GRM8: variants seen among roughly 807,000 people sequenced by gnomAD.
The protein encoded by GRM8 is glutamate metabotropic receptor 8, also known as metabotropic glutamate receptor 8.
A neutral mutation model predicts 87.2 loss-of-function variants in GRM8; 47 were observed. The ratio of observed to expected loss-of-function variants is 0.54; its 90% CI spans 0.43 to 0.69. The LOEUF is 0.69. Ranked by LOEUF, GRM8 falls within the 30% of genes least tolerant of loss-of-function variation. GRM8 has a pLI of 0.00. For synonymous variants in GRM8, 396 were observed against 404.5 expected, an observed-to-expected ratio of 0.98 and a Z score of 0.25; for missense variants, 1,019 against 1,139.2, an observed-to-expected ratio of 0.89 and a Z score of 1.52.
intron 7 of GRM8, among the ~76,000 whole-genome samples, chr7:126,735,508 C>CAA (rs1374218260): frequency 6.6e-6 from 1 of 151,866 alleles, no homozygotes; most frequent in African/African-American, 2.4e-5. Flanking sequence ...CTATGAACAG[C>CAA]AATTTGAGAG....
chr7:127,224,245 C>T, intron 2 of GRM8, among the ~76,000 whole-genome samples: 1 of 152,172 alleles, frequency 6.6e-6, no homozygotes, highest in East Asian at 1.9e-4. Flanking sequence ...AAGAAATCCA[C>T]ACCAAGATGC....
At chr7:126,875,333 C>T (rs1799443070) in intron 6 of GRM8, among the ~76,000 whole-genome samples, 1 of 151,150 alleles carries the variant, frequency 6.6e-6, no homozygotes, top group Non-Finnish European at 1.5e-5. Context: ...CTAGGAAGAA[C>T]TTAAATAGGT....
At chr7:126,535,094 C>T (rs374512031) in intron 8 of GRM8, among the ~76,000 whole-genome samples, 8 of 152,198 alleles carry the variant, frequency 5.3e-5, no homozygotes, top group Admixed American at 2.6e-4. Flanking sequence ...TTCATAAGTT[C>T]GCCTTTACTA....
chr7:126,935,988 T>C (rs1806272644), intron 3 of GRM8, among the ~76,000 whole-genome samples: 1 of 152,164 alleles, frequency 6.6e-6, no homozygotes, highest in Non-Finnish European at 1.5e-5. Flanking sequence ...CCAGCGTAAG[T>C]GTGCTTGCTC....
chr7:126,897,822 T>C (rs1176074584), intron 6 of GRM8, among the ~76,000 whole-genome samples: 1 of 152,158 alleles, frequency 6.6e-6, no homozygotes, highest in Non-Finnish European at 1.5e-5. Flanking sequence ...TTAGCAGTAA[T>C]ATCACATCTT....
intron 9 of GRM8, among the ~76,000 whole-genome samples, chr7:126,486,767 G>C (rs1807422154): frequency 6.6e-6 from 1 of 151,956 alleles, no homozygotes; most frequent in South Asian, 2.1e-4. Context: ...TGTTTAACAA[G>C]GAATACATTT....
At chr7:126,539,117 T>A (rs1816222710) in intron 8 of GRM8, among the ~76,000 whole-genome samples, 1 of 151,898 alleles carries the variant, frequency 6.6e-6, no homozygotes, top group African/African-American at 2.4e-5. Context: ...CTATATAACC[T>A]TTAAAAGTGC....
intron 6 of GRM8, among the ~76,000 whole-genome samples, chr7:126,828,037 C>T (rs1794991487): frequency 6.6e-6 from 1 of 152,144 alleles, no homozygotes; most frequent in Non-Finnish European, 1.5e-5. Flanking sequence ...TATATTGAAC[C>T]AGCCTTGCAT....
chr7:127,147,835 C>T (rs1033282463), intron 2 of GRM8, among the ~76,000 whole-genome samples: 2 of 152,000 alleles, frequency 1.3e-5, no homozygotes, highest in African/African-American at 4.8e-5. Context: ...ATTGATGCCT[C>T]AAATGCAGCT....
intron 3 of GRM8, chr7:127,076,203 A>G (rs1162843261): frequency 2.2e-6 from 1 of 456,660 alleles, no homozygotes; most frequent in Admixed American, 2.3e-5. Flanking sequence ...ACATTCATGA[A>G]GGCAGCCCTG....
chr7:126,452,433 TAA>T (rs34338362), intron 9 of GRM8, among the ~76,000 whole-genome samples: 1 of 143,900 alleles, frequency 6.9e-6, no homozygotes, highest in Non-Finnish European at 1.5e-5. Flanking sequence ...TAAAGTATAA[TAA>T]AAAAAAAAAA....
intron 2 of GRM8, among the ~76,000 whole-genome samples, chr7:127,199,145 T>G (rs548767955): frequency 1.3e-5 from 2 of 151,322 alleles, no homozygotes; most frequent in African/African-American, 4.8e-5. Flanking sequence ...CCGGCTTTTT[T>G]TTTTCTTTAA....
At chr7:127,057,257 A>G (rs1194663588) in intron 3 of GRM8, among the ~76,000 whole-genome samples, 1 of 152,218 alleles carries the variant, frequency 6.6e-6, no homozygotes, top group Non-Finnish European at 1.5e-5. Flanking sequence ...AAGCAATCAG[A>G]GGGAAAAGTT....
chr7:126,764,041 AT>A (rs1817920795), intron 7 of GRM8, among the ~76,000 whole-genome samples: 1 of 151,960 alleles, frequency 6.6e-6, no homozygotes, highest in African/African-American at 2.4e-5. Context: ...TCTTAATACT[AT>A]GTAGAAAAGT....
rs565837930 is a variant in GRM8 at position 126,471,061 on chromosome 7, T to G, written c.2431-24689A>C. On this transcript the variant is annotated intron_variant, in intron 9 of 10. Transcript: ENST00000339582. ...TTGTTTGTTTTTTCTTGTAAATTTGTTTGAGTTCATTGTAGATTCTGGATA... is the reference window on the plus strand; with the variant it reads ...TTGTTTGTTTTTTCTTGTAAATTTGGTTGAGTTCATTGTAGATTCTGGATA... 3.9e-5 allele frequency among the ~76,000 whole-genome samples: 6 copies of G among 152,324 alleles called. No homozygotes were observed. In the South Asian group the frequency reaches 1.2e-3, roughly 32 times the overall value.
chr7:126,922,827 G>A (rs566089953), intron 3 of GRM8, among the ~76,000 whole-genome samples: 40 of 152,184 alleles, frequency 2.6e-4, no homozygotes, highest in South Asian at 1.7e-3. Flanking sequence ...TTGTTTAAAA[G>A]TATGTAGCAC....
intron 2 of GRM8, among the ~76,000 whole-genome samples, chr7:127,114,278 T>C (rs2133145781): frequency 6.6e-6 from 1 of 152,228 alleles, no homozygotes; most frequent in South Asian, 2.1e-4. Context: ...ACAATGGAGT[T>C]TAACAAAAGC....
At chr7:127,005,057 C>T (rs998250259) in intron 3 of GRM8, among the ~76,000 whole-genome samples, 11 of 149,734 alleles carry the variant, frequency 7.3e-5, no homozygotes, top group Admixed American at 6.7e-4. Flanking sequence ...TCACAGATTA[C>T]GTATGTGAAG....
intron 10 of GRM8, among the ~76,000 whole-genome samples, chr7:126,444,781 G>A (rs759164070): frequency 6.4e-4 from 98 of 152,132 alleles, no homozygotes; most frequent in Admixed American, 1.7e-3. Context: ...AGTGTCAAAA[G>A]TATGGAGAGT....
Sources: allele counts gnomAD v4.1 joint callset (sites outside exome capture counted in the v4.1 genomes callset), GRCh38; gene constraint gnomAD v4.1.1; transcripts MANE v1.5; gene names NCBI Gene and HGNC (gene_info 2026-07-23, HGNC 2026-07-21).